The following HOMER1 variants were observed in gnomAD, a reference collection of about 807,000 sequenced individuals.
HOMER1 encodes the protein homer protein homolog 1.
Under a neutral mutation model 48.9 loss-of-function variants are expected in HOMER1, and 3 were observed. The ratio of observed to expected loss-of-function variants is 0.06; its 90% CI spans 0.03 to 0.16. The LOEUF is 0.16. Among genes scored for constraint, HOMER1 ranks in the 10% least tolerant of loss-of-function variants. HOMER1 has a pLI of 1.00. For missense variants in HOMER1, 247 were observed against 411.4 expected (o/e 0.60, Z 3.46); for synonymous variants, 134 against 146.4 (o/e 0.92, Z 0.61).
chr5:79,507,711 G>GA (rs139514104), intron 1 of HOMER1, among the ~76,000 whole-genome samples: 4,057 of 145,854 alleles, frequency 0.028, 150 homozygotes, highest in East Asian at 0.21. Context: ...ACTAAAGACT[G>GA]AAAAAAAAAA....
chr5:79,512,562 T>C (rs1028499933), intron 1 of HOMER1, among the ~76,000 whole-genome samples: 3 of 152,362 alleles, frequency 2.0e-5, no homozygotes, highest in Non-Finnish European at 2.9e-5. Context: ...TTACAAACGA[T>C]ATATGTGTTT....
intron 1 of HOMER1, among the ~76,000 whole-genome samples, chr5:79,468,887 T>C (rs1330967149): frequency 6.6e-6 from 1 of 152,234 alleles, no homozygotes; most frequent in African/African-American, 2.4e-5. Flanking sequence ...GTAGTTTCAA[T>C]TTGCATATGC....
At position 79,429,657 on chromosome 5, in the gene HOMER1, G is replaced by GT. The variant is rs200978201; in HGVS notation, c.527+9352dup. 9.5e-3 allele frequency among the ~76,000 whole-genome samples: 1,439 copies of GT among 152,262 alleles called. 12 individuals are homozygous for GT. The highest frequency in any genetic ancestry group is 0.027 in the Middle Eastern group (8 of 294). On this transcript the variant is annotated intron_variant, in intron 5 of 8. Coordinates refer to ENST00000334082, the MANE Select transcript of HOMER1 (RefSeq NM_004272.5). ...ACATGTGTTAATCACTGTAGCCTTA[G>GT]TTTAGGCAGTGATTTCTTAGATATG...
intron 5 of HOMER1, among the ~76,000 whole-genome samples, chr5:79,425,594 G>A (rs1194921865): frequency 2.0e-5 from 3 of 152,110 alleles, no homozygotes; most frequent in East Asian, 1.9e-4. Context: ...TTCCTTCCTC[G>A]CTATGGAACC....
At chr5:79,490,212 T>C (rs911634914) in intron 1 of HOMER1, among the ~76,000 whole-genome samples, 2 of 152,240 alleles carry the variant, frequency 1.3e-5, no homozygotes. Context: ...CATGCCCTCA[T>C]GATACTTAGT....
chr5:79,426,280 AG>A (rs1306281658), intron 5 of HOMER1, among the ~76,000 whole-genome samples: 1 of 152,126 alleles, frequency 6.6e-6, no homozygotes, highest in Non-Finnish European at 1.5e-5. Flanking sequence ...GATATCTAAA[AG>A]AAAGGAAATC....
chr5:79,494,704 A>T (rs902782466), intron 1 of HOMER1, among the ~76,000 whole-genome samples: 4 of 152,186 alleles, frequency 2.6e-5, no homozygotes, highest in African/African-American at 9.7e-5. Context: ...CTCTATCCCT[A>T]CTAAAAATAC....
intron 8 of HOMER1, among the ~76,000 whole-genome samples, chr5:79,391,900 C>A (rs879591729): frequency 6.6e-6 from 1 of 152,060 alleles, no homozygotes; most frequent in Non-Finnish European, 1.5e-5. Context: ...CAATGCATGA[C>A]AATGTTTTGA....
rs772183184 is a variant in HOMER1, at chr5:79,450,928, T to C, written c.294+62A>G. 36 of 1,492,834 alleles carry C rather than the reference T, an allele frequency of 2.4e-5. No individual in the cohort carries two copies. In the South Asian group the frequency reaches 2.9e-4, roughly 12 times the overall value. 92.5% of individuals were successfully genotyped at this position (1,492,834 alleles called of 1,614,324 possible). A position where few individuals can be genotyped will look rare whatever the true frequency, so the allele number is the denominator to read the frequency against. ...ATTTTATACTCTCCATTTGGTATTA[T>C]ATATTTAAGATATACGACTTGAAGA... is the stretch of plus-strand genomic sequence containing the variant. On this transcript the variant is annotated intron_variant, in intron 3 of 8. Transcript: ENST00000334082.
At chr5:79,418,883 A>C (rs926242951) in intron 5 of HOMER1, among the ~76,000 whole-genome samples, 1 of 152,230 alleles carries the variant, frequency 6.6e-6, no homozygotes, top group Non-Finnish European at 1.5e-5. Flanking sequence ...TGAGAATGCC[A>C]CACAGAGATC....
chr5:79,425,262 A>T (rs1750214715), intron 5 of HOMER1, among the ~76,000 whole-genome samples: 1 of 151,946 alleles, frequency 6.6e-6, no homozygotes, highest in Non-Finnish European at 1.5e-5. Flanking sequence ...AAAAAAAAAA[A>T]TCTAACTTGG....
chr5:79,389,412 T>C (rs994527570), intron 8 of HOMER1, among the ~76,000 whole-genome samples: 3 of 152,144 alleles, frequency 2.0e-5, no homozygotes, highest in Admixed American at 2.0e-4. Context: ...GTGAGTGCTA[T>C]GATTTGAATG....
intron 1 of HOMER1, among the ~76,000 whole-genome samples, chr5:79,460,031 TTC>T (rs1227967562): frequency 7.3e-4 from 60 of 82,516 alleles, no homozygotes; most frequent in African/African-American, 2.5e-3. Flanking sequence ...TTTCTTTCTT[TTC>T]TTTAACAGAT....
chr5:79,496,091 T>C (rs1276882687), intron 1 of HOMER1, among the ~76,000 whole-genome samples: 6 of 152,148 alleles, frequency 3.9e-5, no homozygotes, highest in African/African-American at 7.2e-5. Context: ...TGGTGCCTGG[T>C]TTGACAAAAC....
At chr5:79,456,712 A>T in intron 2 of HOMER1, 150 bp downstream of exon 2, 1 of 647,302 alleles carries the variant, frequency 1.5e-6, no homozygotes, top group Non-Finnish European at 2.6e-6. Context: ...ACATGTTGCT[A>T]CCTTAATAAT....
intron 1 of HOMER1, among the ~76,000 whole-genome samples, chr5:79,508,125 T>C (rs969247571): frequency 2.6e-5 from 4 of 152,206 alleles, no homozygotes; most frequent in Admixed American, 6.5e-5. Flanking sequence ...ATTTTTAAAA[T>C]TGCTTTCTTA....
chr5:79,448,367 G>A (rs951558343), intron 3 of HOMER1, among the ~76,000 whole-genome samples: 3 of 151,304 alleles, frequency 2.0e-5, no homozygotes, highest in Non-Finnish European at 3.0e-5. Context: ...ATCTTTAAAA[G>A]CCTTCTCAAC....
At chr5:79,380,587 CAAT>C (rs1561341313) in intron 8 of HOMER1, among the ~76,000 whole-genome samples, 1 of 152,222 alleles carries the variant, frequency 6.6e-6, no homozygotes, top group Non-Finnish European at 1.5e-5. Flanking sequence ...AGCAGAACAA[CAAT>C]GTGAGCATTC....
chr5:79,503,510 CAG>C (rs1222957814), intron 1 of HOMER1, among the ~76,000 whole-genome samples: 1 of 126,604 alleles, frequency 7.9e-6, no homozygotes, highest in East Asian at 2.5e-4. Context: ...GCCTGGGTGA[CAG>C]AGTGAGACTC....
Sources: gnomAD v4.1 joint callset for allele counts (sites outside exome capture counted in the v4.1 genomes callset) on GRCh38, gnomAD v4.1.1 for gene constraint, MANE v1.5 for transcripts, NCBI Gene and HGNC (gene_info 2026-07-23, HGNC 2026-07-21) for gene names.